FIG4: variants seen among roughly 807,000 people sequenced by gnomAD.
FIG4 encodes the protein FIG4 phosphoinositide 5-phosphatase, also known as polyphosphoinositide phosphatase.
FIG4 carries 112 observed loss-of-function variants against 118.6 expected under a neutral mutation model. The observed-to-expected ratio is 0.94, with a 90% confidence interval of 0.81 to 1.11. The LOEUF (loss-of-function observed/expected upper bound fraction) is 1.11. FIG4 is among the 50% of genes least tolerant of loss of function. The pLI is 0.00. For synonymous variants in FIG4, 369 were observed against 381.2 expected (o/e 0.97, Z 0.37); for missense variants, 969 against 1,111.7 (o/e 0.87, Z 1.83).
At chr6:109,742,376 G>A (rs542182140) in intron 8 of FIG4, among the ~76,000 whole-genome samples, 5 of 152,104 alleles carry the variant, frequency 3.3e-5, no homozygotes, top group African/African-American at 9.6e-5. Context: ...TCCATCAGCC[G>A]TGTTCTGTCC....
At chr6:109,821,578 G>A (rs1779006972) in intron 22 of FIG4, among the ~76,000 whole-genome samples, 1 of 152,206 alleles carries the variant, frequency 6.6e-6, no homozygotes, top group African/African-American at 2.4e-5. Context: ...GAAGTGTCAA[G>A]TGATAATTTG....
intron 18 of FIG4, among the ~76,000 whole-genome samples, chr6:109,789,369 T>C (rs1285896455): frequency 6.6e-6 from 1 of 152,010 alleles, no homozygotes; most frequent in African/African-American, 2.4e-5. Context: ...TATGTCCCTA[T>C]TGGGCCTCGT....
intron 5 of FIG4, 141 bp from the exon 6 acceptor site, chr6:109,735,009 C>G (rs1011027622): frequency 1.1e-5 from 8 of 734,158 alleles, no homozygotes; most frequent in Non-Finnish European, 1.9e-5. Flanking sequence ...TTTTACAGTG[C>G]TTATTTGAAT....
intron 1 of FIG4, among the ~76,000 whole-genome samples, chr6:109,708,549 C>A (rs749351589): frequency 1.3e-5 from 2 of 152,226 alleles, no homozygotes; most frequent in Non-Finnish European, 2.9e-5. Flanking sequence ...GCCACACTGT[C>A]TTCTACAATG....
intron 15 of FIG4, among the ~76,000 whole-genome samples, chr6:109,768,491 A>T (rs1226321183): frequency 6.6e-6 from 1 of 152,186 alleles, no homozygotes; most frequent in Non-Finnish European, 1.5e-5. Flanking sequence ...AACAGTACAC[A>T]TGCATTATCT....
intron 22 of FIG4, among the ~76,000 whole-genome samples, chr6:109,823,272 T>C (rs561618743): frequency 3.0e-4 from 46 of 152,248 alleles, no homozygotes; most frequent in African/African-American, 1.1e-3. Flanking sequence ...ATAACCAAAA[T>C]GTCACTGACT....
At chr6:109,713,414 T>C (rs1775330236) in intron 1 of FIG4, among the ~76,000 whole-genome samples, 1 of 152,182 alleles carries the variant, frequency 6.6e-6, no homozygotes, top group African/African-American at 2.4e-5. Context: ...ATACACTCTC[T>C]GTGTGCTGCA....
chr6:109,764,359 A>G (rs1446197958), intron 13 of FIG4, among the ~76,000 whole-genome samples: 1 of 151,962 alleles, frequency 6.6e-6, no homozygotes, highest in Non-Finnish European at 1.5e-5. Flanking sequence ...AATCGCTTGA[A>G]TCTGGGAGGC....
intron 3 of FIG4, among the ~76,000 whole-genome samples, chr6:109,724,847 A>ATT (rs1775748982): frequency 2.6e-5 from 4 of 151,122 alleles, no homozygotes; most frequent in Non-Finnish European, 4.4e-5. Context: ...ATATATATAT[A>ATT]TATTTAATTT....
chr6:109,791,582 G>C lies in FIG4; in HGVS notation c.2376+11G>C, dbSNP rs1304318708. On this transcript the variant is annotated intron_variant, in intron 20 of 22. Coordinates refer to ENST00000230124, the MANE Select transcript of FIG4 (RefSeq NM_014845.6). Reference sequence around the variant, plus strand: ...GCCAAAGTGACCGAGGTGCGGGGGAGGGAAGCCTGTGGCATCCAGCCTGAA... The same window carrying C: ...GCCAAAGTGACCGAGGTGCGGGGGACGGAAGCCTGTGGCATCCAGCCTGAA... 6.2e-7 allele frequency: 1 copy of C among 1,613,116 alleles called. No individual in the cohort carries two copies. The highest frequency in any genetic ancestry group is 8.5e-7 in the Non-Finnish European group (1 of 1,179,578).
chr6:109,721,147 A>G (rs1775595729), intron 3 of FIG4, among the ~76,000 whole-genome samples: 1 of 152,182 alleles, frequency 6.6e-6, no homozygotes, highest in Non-Finnish European at 1.5e-5. Context: ...ACTGTGATGG[A>G]CTAAGCTATT....
At chr6:109,812,309 G>C (rs1233369130) in intron 22 of FIG4, among the ~76,000 whole-genome samples, 1 of 152,114 alleles carries the variant, frequency 6.6e-6, no homozygotes, top group African/African-American at 2.4e-5. Context: ...TGAAGCCTGG[G>C]TCAAAGGCAC....
intron 3 of FIG4, among the ~76,000 whole-genome samples, chr6:109,726,380 T>G (rs1775815407): frequency 6.6e-6 from 1 of 152,226 alleles, no homozygotes; most frequent in African/African-American, 2.4e-5. Flanking sequence ...TGCTTGTTTT[T>G]GTCAGGTTTG....
chr6:109,731,610 ATAGAG>A (rs1776003594), intron 4 of FIG4, among the ~76,000 whole-genome samples: 1 of 152,234 alleles, frequency 6.6e-6, no homozygotes, highest in Non-Finnish European at 1.5e-5. Flanking sequence ...TCCCTAAAGA[ATAGAG>A]TATAACAACT....
chr6:109,750,014 T>A (rs576417887), intron 10 of FIG4, among the ~76,000 whole-genome samples: 8 of 152,204 alleles, frequency 5.3e-5, no homozygotes, highest in Non-Finnish European at 7.3e-5. Flanking sequence ...TAGAAGACCT[T>A]ATTAATTGTG....
At chr6:109,795,762 C>T (rs1294840971) in intron 21 of FIG4, among the ~76,000 whole-genome samples, 1 of 151,826 alleles carries the variant, frequency 6.6e-6, no homozygotes, top group Non-Finnish European at 1.5e-5. Context: ...CCACCATGCC[C>T]AGCTAATTTT....
chr6:109,754,868 G>C (rs1002487868), intron 10 of FIG4, among the ~76,000 whole-genome samples: 2 of 151,764 alleles, frequency 1.3e-5, no homozygotes, highest in African/African-American at 4.8e-5. Flanking sequence ...CAATTTTGTT[G>C]ATCCTTTCAA....
At chr6:109,774,946 A>C (rs1282331958) in intron 15 of FIG4, among the ~76,000 whole-genome samples, 1 of 152,222 alleles carries the variant, frequency 6.6e-6, no homozygotes, top group African/African-American at 2.4e-5. Flanking sequence ...TATTAGAATA[A>C]GAGCTATTTC....
intron 22 of FIG4, among the ~76,000 whole-genome samples, chr6:109,822,728 C>T (rs1008305894): frequency 6.7e-6 from 1 of 148,716 alleles, no homozygotes; most frequent in South Asian, 2.1e-4. Context: ...CATGGCTTCA[C>T]TTAAAGCACA....
Sources: gnomAD v4.1 joint callset for allele counts (sites outside exome capture counted in the v4.1 genomes callset) on GRCh38, gnomAD v4.1.1 for gene constraint, MANE v1.5 for transcripts, NCBI Gene and HGNC (gene_info 2026-07-23, HGNC 2026-07-21) for gene names.